Variants in PPP1R12A observed in about 807,000 individuals in gnomAD.
The protein encoded by PPP1R12A is myosin binding subunit.
In PPP1R12A, 19 loss-of-function variants were observed where a neutral mutation model predicts 139.6. The observed-to-expected ratio is 0.14, with a 90% CI of 0.09 to 0.20. The LOEUF (loss-of-function observed/expected upper bound fraction) is 0.20. PPP1R12A is among the 10% of genes least tolerant of loss of function. The pLI, the probability that PPP1R12A is intolerant of heterozygous loss-of-function variation, is 1.00. For synonymous variants in PPP1R12A, 427 were observed against 420.6 expected (o/e 1.02, Z -0.19); for missense variants, 925 against 1,211.5 (o/e 0.76, Z 3.51).
intron 1 of PPP1R12A, among the ~76,000 whole-genome samples, chr12:79,934,408 C>T (rs1433276661): frequency 6.6e-6 from 1 of 152,206 alleles, no homozygotes; most frequent in Non-Finnish European, 1.5e-5. Flanking sequence ...GACTTATCCA[C>T]GAATGGCCCT....
At chr12:79,795,834 T>A (rs1428659091) in intron 17 of PPP1R12A, 75 bp from the exon 18 acceptor site, 11 of 1,441,248 alleles carry the variant, frequency 7.6e-6, no homozygotes, top group Non-Finnish European at 1.0e-5. Flanking sequence ...GTAAAAACAA[T>A]GGGTAAAATG....
chr12:79,827,931 T>C (rs1876987505), intron 5 of PPP1R12A, among the ~76,000 whole-genome samples: 1 of 152,114 alleles, frequency 6.6e-6, no homozygotes, highest in South Asian at 2.1e-4. Flanking sequence ...AGCTAAAGAA[T>C]TAGAAACGCA....
rs1446025141 is a variant in PPP1R12A at position 79,786,439 on chromosome 12, C to G, written c.2842G>C (p.Ala948Pro). 6.4e-7 allele frequency: 1 copy of G among 1,558,710 alleles called. No homozygotes were observed. ...QILAENEKLK[A>P]QLHDTNMELT... ...TCCATATTTGTATCATGTAGCTGTG[C>G]CTTCAGCTTTTCATTTTCAGCTAGA... The change falls in exon 22 of 25, where the codon GCA becomes CCA. Residue 948 changes from alanine to proline, a missense_variant. By Grantham distance (27) the Ala-to-Pro change is conservative (BLOSUM62 -1). Coordinates refer to ENST00000450142, the MANE Select transcript of PPP1R12A (RefSeq NM_002480.3).
intron 1 of PPP1R12A, among the ~76,000 whole-genome samples, chr12:79,873,188 C>T (rs1263810047): frequency 6.6e-6 from 1 of 152,024 alleles, no homozygotes; most frequent in African/African-American, 2.4e-5. Context: ...ATCTGGATAA[C>T]AAGTACCTAT....
rs1224987905 is a variant in PPP1R12A at position 79,822,167 on chromosome 12, T to C, written c.816A>G (p.Ala272=). The change falls in exon 6 of 25, where the codon GCA becomes GCG. Residue 272 remains alanine, a synonymous_variant. Coordinates refer to ENST00000450142, the MANE Select transcript of PPP1R12A (RefSeq NM_002480.3). ...CTAAATATCCTAAAATGTCTTCATC[T>C]GCTACATCAAAGGCTGTTTGGCCCT... The part of the protein sequence containing the change: ...NKVGQTAFDV[A]DEDILGYLEE... 1 of 1,591,358 alleles carries C rather than the reference T, an allele frequency of 6.3e-7. No individual in the cohort carries two copies. Among genetic ancestry groups the C allele is most frequent in the Admixed American group, 1.8e-5 (1 of 57,134 alleles).
rs1888565124 is a variant in PPP1R12A at position 79,935,060 on chromosome 12, A to C, written c.-129T>G. The stretch of plus-strand genomic sequence containing the variant: ...GGCCAGAGGAGGGCTGGGAACCCGG[A>C]GCCGACGCTCGAGACTTCCAGTATC... On this transcript the variant is annotated 5_prime_UTR_variant, in exon 1 of 25. Transcript: ENST00000450142. 2.8e-6 allele frequency: 4 copies of C among 1,405,020 alleles called. No homozygotes were observed. In the East Asian group the frequency reaches 1.1e-4, roughly 39 times the overall value. 87.0% of individuals were successfully genotyped at this position (1,405,020 alleles called of 1,614,324 possible).
chr12:79,806,662 C>A (rs2137060013), intron 12 of PPP1R12A, among the ~76,000 whole-genome samples: 1 of 152,332 alleles, frequency 6.6e-6, no homozygotes, highest in Non-Finnish European at 1.5e-5. Context: ...TTGTATTACC[C>A]AGGGAAAACA....
chr12:79,926,039 G>T (rs1887816317), intron 1 of PPP1R12A, among the ~76,000 whole-genome samples: 1 of 152,044 alleles, frequency 6.6e-6, no homozygotes, highest in Admixed American at 6.6e-5. Context: ...GGGATTACAG[G>T]TGTGAGCCAC....
At chr12:79,861,627 T>C (rs899489708) in intron 2 of PPP1R12A, among the ~76,000 whole-genome samples, 7 of 152,168 alleles carry the variant, frequency 4.6e-5, no homozygotes, top group East Asian at 1.9e-4. Context: ...ACTTCTCCCA[T>C]GGTCTTTGCA....
intron 1 of PPP1R12A, among the ~76,000 whole-genome samples, chr12:79,928,519 A>C (rs966119199): frequency 6.6e-6 from 1 of 152,250 alleles, no homozygotes; most frequent in Non-Finnish European, 1.5e-5. Context: ...AGGCATGAGC[A>C]TAAAGTGTTA....
At chr12:79,806,061 CA>C (rs1259511387) in intron 13 of PPP1R12A, 104 bp downstream of exon 13, 2 of 1,379,286 alleles carry the variant, frequency 1.5e-6, no homozygotes, top group Non-Finnish European at 2.0e-6. Context: ...ATAAATTTAA[CA>C]AGATAAATGA....
At chr12:79,879,746 T>C (rs1290020206) in intron 1 of PPP1R12A, among the ~76,000 whole-genome samples, 2 of 152,160 alleles carry the variant, frequency 1.3e-5, no homozygotes, top group Non-Finnish European at 2.9e-5. Context: ...TTCCGGACAG[T>C]TGGAAATGTC....
intron 2 of PPP1R12A, among the ~76,000 whole-genome samples, chr12:79,862,862 G>A (rs1212961002): frequency 2.6e-5 from 4 of 152,256 alleles, no homozygotes; most frequent in African/African-American, 7.2e-5. Context: ...TGAAAGTGAC[G>A]GGGAGAATGG....
At chr12:79,917,131 A>T (rs1225140659) in intron 1 of PPP1R12A, among the ~76,000 whole-genome samples, 3 of 152,198 alleles carry the variant, frequency 2.0e-5, no homozygotes, top group African/African-American at 7.2e-5. Flanking sequence ...TCCCACATAT[A>T]AAGACTGGCT....
At chr12:79,823,156 A>G (rs922901552) in intron 5 of PPP1R12A, among the ~76,000 whole-genome samples, 13 of 152,160 alleles carry the variant, frequency 8.5e-5, no homozygotes, top group African/African-American at 2.9e-4. Context: ...TAAACATAGT[A>G]AGAATATTTC....
At chr12:79,780,554 A>G (rs1010673318) in intron 23 of PPP1R12A, 2 of 152,178 alleles carry the variant, frequency 1.3e-5, no homozygotes, top group African/African-American at 2.4e-5. Flanking sequence ...TGTAATAAAC[A>G]TATTACTTTC....
At chr12:79,788,881 G>A (rs1871444450) in intron 20 of PPP1R12A, 98 bp from the exon 21 acceptor site, 2 of 996,444 alleles carry the variant, frequency 2.0e-6, no homozygotes, top group Non-Finnish European at 1.4e-6. Flanking sequence ...GTTCAAAAGA[G>A]TAGGTCACAG....
At chr12:79,823,796 A>G in intron 5 of PPP1R12A, 1 of 154,914 alleles carries the variant, frequency 6.5e-6, no homozygotes, top group Non-Finnish European at 1.4e-5. Flanking sequence ...GAGTTTCACC[A>G]TGTTGCCCAG....
chr12:79,778,285 A>G (rs1217368610), intron 24 of PPP1R12A: 1 of 237,872 alleles, frequency 4.2e-6, no homozygotes, highest in Non-Finnish European at 8.0e-6. Context: ...AAAGTGCTAC[A>G]CAAATTAATT....
Sources: gnomAD v4.1 joint callset for allele counts (sites outside exome capture counted in the v4.1 genomes callset) on GRCh38, gnomAD v4.1.1 for gene constraint, MANE v1.5 for transcripts, NCBI Gene and HGNC (gene_info 2026-07-23, HGNC 2026-07-21) for gene names.